BOLL: variants seen among roughly 807,000 people sequenced by gnomAD.
BOLL encodes the protein protein boule-like.
Under a neutral mutation model 44.4 loss-of-function variants are expected in BOLL, and 23 were observed. The observed-to-expected ratio is 0.52, with a 90% CI of 0.37 to 0.73. The LOEUF (loss-of-function observed/expected upper bound fraction) is 0.73. Ranked by LOEUF, BOLL falls within the 30% of genes least tolerant of loss-of-function variation. BOLL has a pLI of 0.00. For missense variants in BOLL, 287 were observed against 338.3 expected (o/e 0.85, Z 1.19); for synonymous variants, 97 against 110.8 (o/e 0.88, Z 0.78).
chr2:197,762,204 C>T (rs571307616), intron 7 of BOLL, among the ~76,000 whole-genome samples: 5 of 152,094 alleles, frequency 3.3e-5, no homozygotes, highest in African/African-American at 9.6e-5. Flanking sequence ...ATTGGCCAGG[C>T]GTGGTGGCAT....
rs1216296450 is a variant in BOLL, at chr2:197,728,683, G to C, written c.829-105C>G. On this transcript the variant is annotated intron_variant, in intron 10 of 10. Coordinates refer to ENST00000392296, the MANE Select transcript of BOLL (RefSeq NM_033030.6). ...ATCAATCAACATTCACTAAATATTTGCAGAACCTTGGTACCAATTAAATTA... is the reference window on the plus strand; with the variant it reads ...ATCAATCAACATTCACTAAATATTTCCAGAACCTTGGTACCAATTAAATTA... 3.9e-6 allele frequency: 3 copies of C among 772,318 alleles called. No homozygotes were observed. The East Asian group carries it at 7.6e-5, about 20-fold the overall frequency. The allele number at this position is 772,318 out of a possible 1,614,324, so 47.8% of individuals were successfully genotyped here. A position where few individuals can be genotyped will look rare whatever the true frequency, so the allele number is the denominator to read the frequency against.
chr2:197,735,740 G>C (rs1049018242), intron 10 of BOLL, among the ~76,000 whole-genome samples: 2 of 152,080 alleles, frequency 1.3e-5, no homozygotes, highest in African/African-American at 4.8e-5. Flanking sequence ...AAAGTATCAG[G>C]CTGTCTATGC....
intron 6 of BOLL, among the ~76,000 whole-genome samples, chr2:197,767,180 C>T (rs1393693551): frequency 6.6e-6 from 1 of 151,846 alleles, no homozygotes; most frequent in Non-Finnish European, 1.5e-5. Flanking sequence ...GTACAGGTAA[C>T]ACTTGATTAT....
chr2:197,784,387 AATACATATATATATATATATATATAT>A (rs1219483276), intron 1 of BOLL, among the ~76,000 whole-genome samples: 9 of 94,450 alleles, frequency 9.5e-5, no homozygotes, highest in African/African-American at 4.2e-4. Context: ...ACAGCAGTCT[AATACATATATATATATATATATATAT>A]ATATATATAT....
At chr2:197,776,572 C>T (rs1219973423) in intron 4 of BOLL, among the ~76,000 whole-genome samples, 1 of 151,870 alleles carries the variant, frequency 6.6e-6, no homozygotes, top group Non-Finnish European at 1.5e-5. Flanking sequence ...CAAGAATTGA[C>T]TGTATTTGAT....
At chr2:197,779,190 C>G in intron 2 of BOLL, 124 bp from the exon 3 acceptor site, 2 of 645,230 alleles carry the variant, frequency 3.1e-6, no homozygotes, top group Non-Finnish European at 5.3e-6. Flanking sequence ...CTCTCATCAT[C>G]AAAACAGTGC....
At chr2:197,776,635 A>G (rs933949835) in intron 4 of BOLL, among the ~76,000 whole-genome samples, 2 of 151,982 alleles carry the variant, frequency 1.3e-5, no homozygotes, top group African/African-American at 2.4e-5. Flanking sequence ...GTTAAATGTT[A>G]TATTTGCCTT....
intron 2 of BOLL, 54 bp from the exon 3 acceptor site, chr2:197,779,120 A>G (rs542641275): frequency 8.4e-6 from 11 of 1,311,284 alleles, no homozygotes; most frequent in African/African-American, 2.9e-5. Flanking sequence ...TAAAAGATGA[A>G]TAATTCTCAT....
intron 9 of BOLL, among the ~76,000 whole-genome samples, chr2:197,744,447 C>T (rs961155555): frequency 6.6e-6 from 1 of 152,116 alleles, no homozygotes; most frequent in Non-Finnish European, 1.5e-5. Flanking sequence ...TACAATGTCT[C>T]TGAGAGGTCA....
chr2:197,782,606 T>C (rs1168424832), intron 1 of BOLL, among the ~76,000 whole-genome samples: 1 of 152,228 alleles, frequency 6.6e-6, no homozygotes, highest in Non-Finnish European at 1.5e-5. Context: ...CAGAAGCCTA[T>C]ATCCTGTAAG....
At chr2:197,743,907 T>A (rs1467543132) in intron 9 of BOLL, among the ~76,000 whole-genome samples, 2 of 151,978 alleles carry the variant, frequency 1.3e-5, no homozygotes, top group African/African-American at 4.8e-5. Context: ...ACCTCCCGGC[T>A]TCACACCATT....
At chr2:197,733,621 C>T (rs1233580352) in intron 10 of BOLL, among the ~76,000 whole-genome samples, 2 of 152,076 alleles carry the variant, frequency 1.3e-5, no homozygotes, top group Admixed American at 6.6e-5. Context: ...GAGATAGAGA[C>T]CAATGGAACA....
rs1686939547 is a variant in BOLL at position 197,728,272 on chromosome 2, T to C, written c.*283A>G. The stretch of plus-strand genomic sequence containing the variant: ...CTATTCCCAATGTGGTTATTATTTA[T>C]GGAATGGATAAAACATGTTGTAGAA... On this transcript the variant is annotated 3_prime_UTR_variant, in exon 11 of 11. Coordinates refer to ENST00000392296, the MANE Select transcript of BOLL (RefSeq NM_033030.6). 1.1e-5 allele frequency: 5 copies of C among 455,352 alleles called. No individual in the cohort carries two copies. Among genetic ancestry groups the C allele is most frequent in the Middle Eastern group, 4.6e-4 (1 of 2,184 alleles). 28.2% of individuals were successfully genotyped at this position (455,352 alleles called of 1,614,324 possible). A position where few individuals can be genotyped will look rare whatever the true frequency, so the allele number is the denominator to read the frequency against.
At chr2:197,775,933 C>T (rs1689488956) in intron 4 of BOLL, among the ~76,000 whole-genome samples, 193 bp from the exon 5 acceptor site, 1 of 151,812 alleles carries the variant, frequency 6.6e-6, no homozygotes, top group African/African-American at 2.4e-5. Context: ...CCATTTTCTC[C>T]ATTTGTAATA....
At chr2:197,771,436 T>C (rs143881996) in intron 6 of BOLL, among the ~76,000 whole-genome samples, 1 of 151,988 alleles carries the variant, frequency 6.6e-6, no homozygotes, top group Non-Finnish European at 1.5e-5. Context: ...ACATGGCACA[T>C]GTATACATAT....
chr2:197,779,378 C>G (rs377664796), intron 2 of BOLL, among the ~76,000 whole-genome samples: 3 of 151,886 alleles, frequency 2.0e-5, no homozygotes, highest in African/African-American at 7.2e-5. Context: ...TTTAAAAAGC[C>G]AATTTGGATT....
chr2:197,761,306 T>C (rs1184362758), intron 7 of BOLL, among the ~76,000 whole-genome samples: 2 of 152,004 alleles, frequency 1.3e-5, no homozygotes, highest in African/African-American at 2.4e-5. Context: ...AGCTCTTTCA[T>C]AGACAAGCAA....
chr2:197,740,236 A>G (rs1687669656), intron 10 of BOLL, among the ~76,000 whole-genome samples: 1 of 152,188 alleles, frequency 6.6e-6, no homozygotes, highest in African/African-American at 2.4e-5. Flanking sequence ...TGAGTTCAAC[A>G]CATAGGATGG....
intron 10 of BOLL, among the ~76,000 whole-genome samples, chr2:197,729,805 C>G (rs1687062380): frequency 6.6e-6 from 1 of 151,372 alleles, no homozygotes. Flanking sequence ...CACCAAAAAC[C>G]CATCTGTACA....
Sources: allele counts gnomAD v4.1 joint callset (sites outside exome capture counted in the v4.1 genomes callset), GRCh38; gene constraint gnomAD v4.1.1; transcripts MANE v1.5; gene names NCBI Gene and HGNC (gene_info 2026-07-23, HGNC 2026-07-21).